NALCN: variants seen among roughly 807,000 people sequenced by gnomAD.
The protein encoded by NALCN is sodium leak channel NALCN.
A neutral mutation model predicts 225.3 loss-of-function variants in NALCN; 111 were observed. The ratio of observed to expected loss-of-function variants is 0.49; its 90% CI spans 0.42 to 0.58. The LOEUF (loss-of-function observed/expected upper bound fraction) is 0.58, where lower values mean the gene tolerates loss of function less well. NALCN is among the 20% of genes least tolerant of loss of function. The probability of loss-of-function intolerance (pLI) is 0.00; values close to 1 mark genes in which losing one functional copy is unlikely to be tolerated. For synonymous variants in NALCN, 764 were observed against 769.0 expected, an observed-to-expected ratio of 0.99 and a Z score of 0.11; for missense variants, 1,378 against 2,202.4, an observed-to-expected ratio of 0.63 and a Z score of 7.49.
intron 7 of NALCN, among the ~76,000 whole-genome samples, chr13:101,339,571 C>T (rs1264005648): frequency 6.6e-6 from 1 of 152,138 alleles, no homozygotes; most frequent in Non-Finnish European, 1.5e-5. Context: ...TCACTTAGTG[C>T]TGGAGCCCCT....
chr13:101,185,880 T>A (rs1323330411), intron 14 of NALCN, among the ~76,000 whole-genome samples: 2 of 152,256 alleles, frequency 1.3e-5, no homozygotes, highest in Non-Finnish European at 2.9e-5. Flanking sequence ...AGCTTGTATG[T>A]TTACACAGAC....
chr13:101,217,652 C>T (rs1342705690), intron 13 of NALCN, among the ~76,000 whole-genome samples: 1 of 152,106 alleles, frequency 6.6e-6, no homozygotes, highest in African/African-American at 2.4e-5. Context: ...AAGGAATGCA[C>T]ATGCTCTCAA....
intron 4 of NALCN, among the ~76,000 whole-genome samples, chr13:101,377,362 T>C (rs1041288686): frequency 6.6e-6 from 1 of 152,236 alleles, no homozygotes; most frequent in Non-Finnish European, 1.5e-5. Context: ...CTGTCTTTCT[T>C]GTTAATAACG....
At chr13:101,186,100 A>C (rs1489700992) in intron 14 of NALCN, among the ~76,000 whole-genome samples, 1 of 152,190 alleles carries the variant, frequency 6.6e-6, no homozygotes, top group Non-Finnish European at 1.5e-5. Context: ...ATGTGTTTAT[A>C]TGTTAGCCCA....
At chr13:101,196,279 C>A (rs908962038) in intron 13 of NALCN, among the ~76,000 whole-genome samples, 1 of 152,134 alleles carries the variant, frequency 6.6e-6, no homozygotes, top group African/African-American at 2.4e-5. Flanking sequence ...CAAGTAGCTT[C>A]CAGATTCTCA....
At chr13:101,382,051 G>A (rs1296866828) in intron 3 of NALCN, among the ~76,000 whole-genome samples, 7 of 152,006 alleles carry the variant, frequency 4.6e-5, no homozygotes, top group Admixed American at 3.3e-4. Flanking sequence ...TTGAGTACAC[G>A]GGCACCCAAA....
chr13:101,342,358 G>A (rs12864677), intron 7 of NALCN, among the ~76,000 whole-genome samples: 3 of 152,172 alleles, frequency 2.0e-5, no homozygotes, highest in East Asian at 1.9e-4. Flanking sequence ...AAAACCTTCC[G>A]TTTAGCTTTT....
At chr13:101,268,190 C>T (rs1245158481) in intron 10 of NALCN, among the ~76,000 whole-genome samples, 1 of 152,140 alleles carries the variant, frequency 6.6e-6, no homozygotes, top group Non-Finnish European at 1.5e-5. Flanking sequence ...ATGTATATGC[C>T]ATCTCTGACT....
chr13:101,157,831 C>T (rs759182534), intron 15 of NALCN, among the ~76,000 whole-genome samples: 1 of 150,950 alleles, frequency 6.6e-6, no homozygotes, highest in Middle Eastern at 3.4e-3. Context: ...CAGCTCACTA[C>T]GACCTCTGCC....
chr13:101,069,111 C>A (rs947725401), intron 37 of NALCN, among the ~76,000 whole-genome samples: 10 of 152,204 alleles, frequency 6.6e-5, no homozygotes, highest in Non-Finnish European at 1.3e-4. Flanking sequence ...TCTGCCACCA[C>A]CACCAGCCCC....
intron 14 of NALCN, chr13:101,180,758 T>A (rs1844614213): frequency 3.8e-6 from 1 of 265,696 alleles, no homozygotes; most frequent in Admixed American, 4.5e-5. Flanking sequence ...AAGTCTTGGA[T>A]GTCAAAACAC....
chr13:101,405,192 T>C (rs1192686486), intron 1 of NALCN, among the ~76,000 whole-genome samples: 2 of 152,214 alleles, frequency 1.3e-5, no homozygotes, highest in Non-Finnish European at 2.9e-5. Context: ...CAGTGAAAAC[T>C]TGACGACAAA....
chr13:101,176,103 G>A (rs775218543), intron 15 of NALCN, among the ~76,000 whole-genome samples, 197 bp downstream of exon 15: 19 of 152,042 alleles, frequency 1.2e-4, no homozygotes, highest in Admixed American at 6.6e-5. Context: ...CTATTCCTAG[G>A]ATATTTATAG....
At chr13:101,273,905 AAAG>A (rs1407323787) in intron 10 of NALCN, among the ~76,000 whole-genome samples, 2 of 151,724 alleles carry the variant, frequency 1.3e-5, no homozygotes, top group African/African-American at 4.8e-5. Flanking sequence ...AAAAAAAAAA[AAAG>A]AAAATGTGTG....
intron 18 of NALCN, among the ~76,000 whole-genome samples, chr13:101,120,264 C>A (rs1038698295): frequency 6.6e-6 from 1 of 152,134 alleles, no homozygotes; most frequent in South Asian, 2.1e-4. Flanking sequence ...AGCTTAATTT[C>A]CAGGGCTGAG....
At chr13:101,257,887 G>A (rs1291088964) in intron 11 of NALCN, among the ~76,000 whole-genome samples, 1 of 152,078 alleles carries the variant, frequency 6.6e-6, no homozygotes, top group Non-Finnish European at 1.5e-5. Flanking sequence ...CTTATCAATA[G>A]GAAGTACTAT....
chr13:101,390,259 A>G (rs985613799), intron 3 of NALCN, among the ~76,000 whole-genome samples: 1 of 152,104 alleles, frequency 6.6e-6, no homozygotes, highest in Non-Finnish European at 1.5e-5. Flanking sequence ...TGATGTCTAA[A>G]TGATAAGAGA....
At chr13:101,334,538 A>AT (rs1172780451) in intron 7 of NALCN, among the ~76,000 whole-genome samples, 1 of 151,600 alleles carries the variant, frequency 6.6e-6, no homozygotes, top group East Asian at 1.9e-4. Context: ...TGCCTACATT[A>AT]TTTTTTTTCT....
At chr13:101,136,682 A>C (rs1249557268) in intron 17 of NALCN, among the ~76,000 whole-genome samples, 1 of 152,000 alleles carries the variant, frequency 6.6e-6, no homozygotes, top group Non-Finnish European at 1.5e-5. Context: ...TATGTGCCAC[A>C]TTTTCTTAAT....
Sources: gnomAD v4.1 joint callset for allele counts (sites outside exome capture counted in the v4.1 genomes callset) on GRCh38, gnomAD v4.1.1 for gene constraint, MANE v1.5 for transcripts, NCBI Gene and HGNC (gene_info 2026-07-23, HGNC 2026-07-21) for gene names.